POU6F2: variants seen among roughly 807,000 people sequenced by gnomAD.
POU6F2 encodes POU domain, class 6, transcription factor 2.
Under a neutral mutation model 71.3 loss-of-function variants are expected in POU6F2, and 31 were observed. That is an observed-to-expected ratio of 0.43 (90% confidence interval 0.33 to 0.59). The LOEUF is 0.59. Ranked by LOEUF, POU6F2 falls within the 20% of genes least tolerant of loss-of-function variation. The pLI is 0.04. For synonymous variants in POU6F2, 347 were observed against 355.7 expected, an observed-to-expected ratio of 0.98 and a Z score of 0.27; for missense variants, 783 against 856.8, an observed-to-expected ratio of 0.91 and a Z score of 1.07.
At chr7:39,061,041 GA>G (rs1790645827) in intron 1 of POU6F2, among the ~76,000 whole-genome samples, 2 of 151,382 alleles carry the variant, frequency 1.3e-5, no homozygotes, top group East Asian at 3.9e-4. Flanking sequence ...TAAATACAAA[GA>G]AATCTTACCA....
At chr7:39,442,745 G>T (rs1037825528) in intron 7 of POU6F2, among the ~76,000 whole-genome samples, 6 of 152,140 alleles carry the variant, frequency 3.9e-5, no homozygotes, top group Admixed American at 2.6e-4. Context: ...GGGGAAATTG[G>T]CCTCTTTTGC....
intron 1 of POU6F2, among the ~76,000 whole-genome samples, chr7:39,003,583 CAAAAA>C (rs10650128): frequency 7.8e-6 from 1 of 128,346 alleles, no homozygotes; most frequent in Non-Finnish European, 1.6e-5. Context: ...ACTAAAAATA[CAAAAA>C]AAAAAAAAAA....
chr7:39,460,086 G>T lies in POU6F2; in HGVS notation c.1490-461G>T, dbSNP rs1051405037. The stretch of plus-strand genomic sequence containing the variant: ...TGACTGCTTTGGCGATCAGTTGAAG[G>T]AAAAATACAAAATACTATTGTCTTC... On this transcript the variant is annotated intron_variant, in intron 8 of 9. Transcript: ENST00000518318. The surrounding 1 kb of genome is among the most constrained non-coding windows in gnomAD (Gnocchi z 4.4). Among the ~76,000 whole-genome samples, 1 of 152,180 alleles carries T rather than the reference G, an allele frequency of 6.6e-6. No homozygotes were observed. Among genetic ancestry groups the T allele is most frequent in the African/African-American group, 2.4e-5 (1 of 41,444 alleles).
intron 2 of POU6F2, among the ~76,000 whole-genome samples, chr7:39,182,867 G>A (rs1446159560): frequency 2.0e-5 from 3 of 152,120 alleles, no homozygotes; most frequent in Non-Finnish European, 2.9e-5. Flanking sequence ...AGTCCGATAG[G>A]CACTTTACAC....
At chr7:39,192,939 G>A (rs1441859069) in intron 2 of POU6F2, among the ~76,000 whole-genome samples, 1 of 152,196 alleles carries the variant, frequency 6.6e-6, no homozygotes, top group East Asian at 1.9e-4. Context: ...AGGAAGAGAG[G>A]AAGGACAAGG....
At chr7:39,228,369 T>C (rs1794511852) in intron 4 of POU6F2, among the ~76,000 whole-genome samples, 2 of 152,218 alleles carry the variant, frequency 1.3e-5, no homozygotes, top group Admixed American at 1.3e-4. Context: ...CTTGGTTTTT[T>C]GTTGTTTTCT....
rs540490958 is a variant in POU6F2, at chr7:39,293,202, T to TG, written c.599-46434dup. 1.6e-4 allele frequency among the ~76,000 whole-genome samples: 25 copies of TG among 152,254 alleles called. No individual in the cohort carries two copies. In the East Asian group the frequency reaches 4.8e-3, roughly 29 times the overall value. On this transcript the variant is annotated intron_variant, in intron 4 of 9. Coordinates refer to ENST00000518318, the MANE Select transcript of POU6F2 (RefSeq NM_001370959.1). ...TCTCTGCTGCGGGTCAGCTGGCTTCTGGGGGGCCACCCTCCCTCTCCTTGG... is the reference window on the plus strand; with the variant it reads ...TCTCTGCTGCGGGTCAGCTGGCTTCTGGGGGGGCCACCCTCCCTCTCCTTGG...
intron 2 of POU6F2, among the ~76,000 whole-genome samples, chr7:39,203,669 C>T (rs1793951007): frequency 6.6e-6 from 1 of 152,178 alleles, no homozygotes. Context: ...GGGATTCCTA[C>T]TGTTTCAATT....
chr7:39,116,103 G>A (rs530391507), intron 2 of POU6F2, among the ~76,000 whole-genome samples: 7 of 152,240 alleles, frequency 4.6e-5, no homozygotes, highest in South Asian at 2.1e-4. Flanking sequence ...ATTATGAAGC[G>A]AGCCGGGATG....
At chr7:38,980,759 G>A (rs1788296785) in intron 1 of POU6F2, among the ~76,000 whole-genome samples, 1 of 152,024 alleles carries the variant, frequency 6.6e-6, no homozygotes, top group African/African-American at 2.4e-5. Flanking sequence ...GGTTGGAGGA[G>A]CAAATAACCA....
chr7:39,326,139 T>C (rs1785498984), intron 4 of POU6F2, among the ~76,000 whole-genome samples: 2 of 152,222 alleles, frequency 1.3e-5, no homozygotes, highest in South Asian at 4.1e-4. Flanking sequence ...TGGGATTGAA[T>C]GTGAGCACTT....
chr7:39,245,662 G>A (rs1348294113), intron 4 of POU6F2, among the ~76,000 whole-genome samples: 1 of 152,156 alleles, frequency 6.6e-6, no homozygotes, highest in African/African-American at 2.4e-5. Context: ...CATCTAGGAG[G>A]AACTTAGTTT....
chr7:39,340,752 C>CATATATATAT (rs149719876), intron 5 of POU6F2, among the ~76,000 whole-genome samples: 5 of 35,824 alleles, frequency 1.4e-4, no homozygotes, highest in Non-Finnish European at 2.4e-4. Flanking sequence ...TAGGTGCATT[C>CATATATATAT]ATATATATAT....
intron 2 of POU6F2, among the ~76,000 whole-genome samples, chr7:39,091,410 A>G (rs1216860107): frequency 6.6e-6 from 1 of 152,194 alleles, no homozygotes; most frequent in East Asian, 1.9e-4. Flanking sequence ...GCACATTAGC[A>G]AGTCAAAATA....
At chr7:39,215,147 C>T (rs1794214547) in intron 4 of POU6F2, among the ~76,000 whole-genome samples, 1 of 152,092 alleles carries the variant, frequency 6.6e-6, no homozygotes, top group African/African-American at 2.4e-5. Context: ...AAGTTCAAGA[C>T]CAGCCTGGCC....
intron 4 of POU6F2, among the ~76,000 whole-genome samples, chr7:39,299,817 C>T (rs1036315792): frequency 2.6e-5 from 4 of 152,140 alleles, no homozygotes; most frequent in Non-Finnish European, 5.9e-5. Flanking sequence ...GGAGAATTCT[C>T]AGCCAGGGAA....
Position 39,339,926 on chromosome 7 carries a change from A to G in POU6F2, c.883A>G (p.Thr295Ala), listed in dbSNP as rs764304124. The G allele has an allele frequency of 1.9e-6, 3 of 1,613,522 alleles. No individual in the cohort carries two copies. The highest frequency in any genetic ancestry group is 2.5e-6 in the Non-Finnish European group (3 of 1,179,742). Residue 295 changes from threonine to alanine, a missense_variant, in exon 5 of 10, where the codon ACC becomes GCC. Thr to Ala is a moderately conservative substitution (Grantham distance 58, BLOSUM62 0). This residue lies in a region of POU6F2 where 572 missense variants were observed against 572.9 expected (regional missense o/e 1.00). Coordinates refer to ENST00000518318, the MANE Select transcript of POU6F2 (RefSeq NM_001370959.1). ...HSQNQNQPSP[T>A]QQSSSPPQKP... ...CCAGAACCAGAACCAACCATCTCCA[A>G]CCCAGCAGAGCTCCAGCCCCCCGCA...
chr7:39,090,155 A>G (rs1025759500), intron 2 of POU6F2, among the ~76,000 whole-genome samples: 7 of 152,082 alleles, frequency 4.6e-5, no homozygotes, highest in Admixed American at 6.5e-5. Context: ...TTTCAATGCC[A>G]TTTATCTGTG....
At chr7:39,045,740 C>CA (rs1449871501) in intron 1 of POU6F2, among the ~76,000 whole-genome samples, 1 of 151,936 alleles carries the variant, frequency 6.6e-6, no homozygotes, top group East Asian at 1.9e-4. Flanking sequence ...ACCCCTACCC[C>CA]AGGCAACCAA....
Sources: allele counts gnomAD v4.1 joint callset (sites outside exome capture counted in the v4.1 genomes callset), GRCh38; gene constraint gnomAD v4.1.1; regional missense constraint gnomAD v4.1.1; non-coding constraint Gnocchi (gnomAD v3.1); transcripts MANE v1.5; gene names NCBI Gene and HGNC (gene_info 2026-07-23, HGNC 2026-07-21).